The following CPXM2 variants were observed in gnomAD, a reference collection of about 807,000 sequenced individuals.
CPXM2 encodes the protein inactive carboxypeptidase-like protein X2.
A neutral mutation model predicts 86.1 loss-of-function variants in CPXM2; 66 were observed. That is an observed-to-expected ratio of 0.77 (90% CI 0.63 to 0.94). The LOEUF is 0.94. CPXM2 is among the 40% of genes least tolerant of loss of function. The probability of loss-of-function intolerance (pLI) is 0.00; values close to 1 mark genes in which losing one functional copy is unlikely to be tolerated. For missense variants in CPXM2, 948 were observed against 1,026.3 expected, an observed-to-expected ratio of 0.92 and a Z score of 1.04; for synonymous variants, 388 against 400.2, an observed-to-expected ratio of 0.97 and a Z score of 0.36.
rs1286458736 is a variant in CPXM2, at chr10:123,891,723, C to A, written c.-64G>T. The A allele has an allele frequency of 7.3e-5, 91 of 1,248,632 alleles. No homozygotes were observed. The highest frequency in any genetic ancestry group is 8.9e-5 in the Non-Finnish European group (87 of 979,892). 77.3% of individuals were successfully genotyped at this position (1,248,632 alleles called of 1,614,324 possible). A position where few individuals can be genotyped will look rare whatever the true frequency, so the allele number is the denominator to read the frequency against. Reference sequence around the variant, plus strand: ...CCGGGGGCGCCGGGCGGGCTGCGGGCGCAGAAGCTGGCGCGGGGCAAGGGC... The same window carrying A: ...CCGGGGGCGCCGGGCGGGCTGCGGGAGCAGAAGCTGGCGCGGGGCAAGGGC... On this transcript the variant is annotated 5_prime_UTR_variant, in exon 1 of 14. Transcript: ENST00000241305. This position sits in a 1 kb window ranked among gnomAD's most constrained non-coding sequence, Gnocchi z 5.6.
intron 4 of CPXM2, among the ~76,000 whole-genome samples, chr10:123,808,359 AAACAAC>A (rs57892592): frequency 0.05 from 7,485 of 150,264 alleles, 607 homozygotes; most frequent in African/African-American, 0.17. Context: ...GGGCAAACAA[AAACAAC>A]AACAACAACA....
At chr10:123,880,424 T>TG (rs1945064142) in intron 1 of CPXM2, 115 bp from the exon 2 acceptor site, 2 of 649,924 alleles carry the variant, frequency 3.1e-6, no homozygotes, top group Admixed American at 5.0e-5. Context: ...TGCTCCCCTG[T>TG]CCCTAAAGAT....
intron 10 of CPXM2, among the ~76,000 whole-genome samples, chr10:123,764,750 A>G (rs1219744): frequency 0.065 from 9,892 of 151,556 alleles, 481 homozygotes; most frequent in East Asian, 0.27. Context: ...GCCTCCCAAT[A>G]CCCTTGTTTT....
chr10:123,863,312 C>T (rs1848897521), intron 2 of CPXM2, among the ~76,000 whole-genome samples: 1 of 152,170 alleles, frequency 6.6e-6, no homozygotes. Flanking sequence ...TGCCCCCACG[C>T]CCACCACAGT....
chr10:123,758,108 C>A (rs867679105), intron 11 of CPXM2, among the ~76,000 whole-genome samples: 1 of 152,162 alleles, frequency 6.6e-6, no homozygotes, highest in East Asian at 1.9e-4. Context: ...AGCAGACAAG[C>A]CTTCTGCCTC....
At chr10:123,771,184 T>A in intron 7 of CPXM2, 145 bp from the exon 8 acceptor site, 1 of 718,194 alleles carries the variant, frequency 1.4e-6, no homozygotes, top group Non-Finnish European at 2.4e-6. Context: ...TGCTATCGCC[T>A]CTGCCCAGAA....
chr10:123,842,478 T>C lies in CPXM2; in HGVS notation c.524A>G (p.Asn175Ser). 1.9e-6 allele frequency: 3 copies of C among 1,614,148 alleles called. No homozygotes were observed. Among genetic ancestry groups the C allele is most frequent in the South Asian group, 2.2e-5 (2 of 91,084 alleles). Residue 175 changes from asparagine to serine, a missense_variant, in exon 4 of 14, where the codon AAT becomes AGT. Asn to Ser is a conservative substitution (Grantham distance 46). Coordinates refer to ENST00000241305, the MANE Select transcript of CPXM2 (RefSeq NM_198148.3). The part of the protein sequence containing the change: ...RGRLNIQAGI[N>S]ENDFYDGAWC... ...CGCTCCGTCATAAAAATCATTTTCA[T>C]TAATGCCCGCCTAGAAAGAAAGAAA...
chr10:123,921,025 A>C (rs1420879523), intron 2 of CPXM2, among the ~76,000 whole-genome samples: 1 of 152,202 alleles, frequency 6.6e-6, no homozygotes, highest in Non-Finnish European at 1.5e-5. Flanking sequence ...CTGTTATAGC[A>C]ACAAAAAACA....
chr10:123,753,698 C>T (rs762908151), intron 13 of CPXM2, among the ~76,000 whole-genome samples: 4 of 152,148 alleles, frequency 2.6e-5, no homozygotes, highest in African/African-American at 7.2e-5. Flanking sequence ...TGACGTGGTA[C>T]GGCCACTTCA....
At chr10:123,818,520 T>C (rs1381919103) in intron 4 of CPXM2, among the ~76,000 whole-genome samples, 1 of 152,196 alleles carries the variant, frequency 6.6e-6, no homozygotes, top group Admixed American at 6.5e-5. Context: ...ATTGTGGATA[T>C]GGGTTTGCCT....
chr10:123,911,378 C>T (rs1167576799), intron 2 of CPXM2, among the ~76,000 whole-genome samples: 1 of 152,104 alleles, frequency 6.6e-6, no homozygotes, highest in Non-Finnish European at 1.5e-5. Flanking sequence ...TGAGGACACT[C>T]AGAGCAGGGC....
chr10:123,854,397 A>ATATATATAT (rs1848672120), intron 3 of CPXM2, among the ~76,000 whole-genome samples: 1 of 118,460 alleles, frequency 8.4e-6, no homozygotes, highest in Non-Finnish European at 1.7e-5. Context: ...TATATATATT[A>ATATATATAT]TATATATATT....
At chr10:123,851,785 A>AAG (rs1554885382) in intron 3 of CPXM2, among the ~76,000 whole-genome samples, 4 of 144,050 alleles carry the variant, frequency 2.8e-5, no homozygotes, top group African/African-American at 7.7e-5. Context: ...AAAAAAAAAA[A>AAG]GGGGGCTGGG....
chr10:123,819,686 G>T (rs1353231572), intron 4 of CPXM2, among the ~76,000 whole-genome samples: 2 of 152,162 alleles, frequency 1.3e-5, no homozygotes, highest in East Asian at 1.9e-4. Flanking sequence ...GTTGTACAAA[G>T]GATAGTGGTA....
At chr10:123,925,678 T>TC (rs1238908447) in intron 2 of CPXM2, among the ~76,000 whole-genome samples, 1 of 152,276 alleles carries the variant, frequency 6.6e-6, no homozygotes, top group East Asian at 1.9e-4. Flanking sequence ...ACACTATGGA[T>TC]CCCCCCACCC....
At chr10:123,771,765 T>C (rs1429813094) in intron 7 of CPXM2, among the ~76,000 whole-genome samples, 1 of 151,768 alleles carries the variant, frequency 6.6e-6, no homozygotes, top group Non-Finnish European at 1.5e-5. Context: ...ATCATGGGGG[T>C]GGTTTCCCTC....
At chr10:123,808,872 T>C (rs10902817) in intron 4 of CPXM2, among the ~76,000 whole-genome samples, 36,286 of 152,110 alleles carry the variant, frequency 0.24, 4,810 homozygotes, top group East Asian at 0.43. Context: ...GCACATCAGA[T>C]GCCTTTGGAA....
chr10:123,893,846 G>A (rs1945312364), upstream of CPXM2, among the ~76,000 whole-genome samples: 1 of 152,212 alleles, frequency 6.6e-6, no homozygotes, highest in African/African-American at 2.4e-5. Flanking sequence ...GGCTGGCCTG[G>A]CATCCTGGCC....
chr10:123,912,521 C>A lies in CPXM2; in HGVS notation n.174+26956G>T, dbSNP rs540738201. 3.3e-5 allele frequency among the ~76,000 whole-genome samples: 5 copies of A among 152,332 alleles called. No homozygotes were observed. The East Asian group carries it at 5.8e-4, about 18-fold the overall frequency. Reference sequence around the variant, plus strand: ...ACTGGTGCCCTCCCAGACATTGCACCGGTGTGGAAAAGAAGGGGAGGGGCT... The same window carrying A: ...ACTGGTGCCCTCCCAGACATTGCACAGGTGTGGAAAAGAAGGGGAGGGGCT... On this transcript the variant is annotated intron_variant and non_coding_transcript_variant, in intron 2 of 19. Transcript: ENST00000368854.
Sources: gnomAD v4.1 joint callset for allele counts (sites outside exome capture counted in the v4.1 genomes callset) on GRCh38, gnomAD v4.1.1 for gene constraint, Gnocchi (gnomAD v3.1) non-coding constraint, MANE v1.5 for transcripts, NCBI Gene and HGNC (gene_info 2026-07-23, HGNC 2026-07-21) for gene names.